Variants in CUBN observed in about 807,000 individuals in gnomAD.
CUBN encodes cubilin.
CUBN carries 282 observed loss-of-function variants against 405.3 expected under a neutral mutation model. The observed-to-expected ratio is 0.70, with a 90% CI of 0.63 to 0.77. The LOEUF (loss-of-function observed/expected upper bound fraction) is 0.77. Ranked by LOEUF, CUBN falls within the 30% of genes least tolerant of loss-of-function variation. The pLI, the probability that CUBN is intolerant of heterozygous loss-of-function variation, is 0.00. For missense variants in CUBN, 4,514 were observed against 4,475.2 expected, an observed-to-expected ratio of 1.01 and a Z score of -0.25; for synonymous variants, 1,684 against 1,617.0, an observed-to-expected ratio of 1.04 and a Z score of -0.99.
At chr10:17,004,976 C>T (rs1185598354) in intron 28 of CUBN, among the ~76,000 whole-genome samples, 4 of 152,082 alleles carry the variant, frequency 2.6e-5, no homozygotes, top group African/African-American at 4.8e-5. Context: ...CTCTTTAATA[C>T]GCTGCCTCAC....
intron 63 of CUBN, 26 bp from the exon 64 acceptor site, chr10:16,835,221 A>G: frequency 6.4e-7 from 1 of 1,561,432 alleles, no homozygotes; most frequent in Non-Finnish European, 8.8e-7. Flanking sequence ...GGCATAATTA[A>G]TGTACGCATT....
chr10:17,008,436 G>GTT (rs1256409335), intron 28 of CUBN, among the ~76,000 whole-genome samples: 1 of 141,740 alleles, frequency 7.1e-6, no homozygotes, highest in Non-Finnish European at 1.5e-5. Context: ...GCTCGTGTGT[G>GTT]TGTGTGTGTG....
At chr10:16,986,998 T>G (rs11254321) in intron 29 of CUBN, among the ~76,000 whole-genome samples, 3,094 of 152,302 alleles carry the variant, frequency 0.02, 147 homozygotes, top group East Asian at 0.19. Context: ...CACTGCCACT[T>G]TGGACATTAT....
Position 16,824,919 on chromosome 10 carries a change from T to G in CUBN, c.*56A>C. On this transcript the variant is annotated 3_prime_UTR_variant, in exon 67 of 67. Transcript: ENST00000377833. ...GGGGTCATGTATCAGGATGGCAGAG[T>G]GCTGTCCAGCGTGCTGCAGAGGGAA... 3.3e-6 allele frequency: 4 copies of G among 1,203,968 alleles called. No individual in the cohort carries two copies. The highest frequency in any genetic ancestry group is 4.9e-6 in the Non-Finnish European group (4 of 809,156). 74.6% of individuals were successfully genotyped at this position (1,203,968 alleles called of 1,614,324 possible).
At chr10:16,880,513 A>C (rs1202971270) in intron 56 of CUBN, among the ~76,000 whole-genome samples, 3 of 152,238 alleles carry the variant, frequency 2.0e-5, no homozygotes, top group South Asian at 2.1e-4. Flanking sequence ...AAGAGAGAGC[A>C]TGCTGACAGA....
At chr10:16,863,524 C>G (rs1254458090) in intron 59 of CUBN, among the ~76,000 whole-genome samples, 7 of 152,132 alleles carry the variant, frequency 4.6e-5, no homozygotes, top group African/African-American at 1.7e-4. Context: ...GAGCTGACAA[C>G]TTCAATCAGG....
In CUBN at chr10:16,877,359, C is replaced by T. The variant is rs192380293; in HGVS notation, c.8906-262G>A. On this transcript the variant is annotated intron_variant, in intron 56 of 66. Transcript: ENST00000377833. The stretch of plus-strand genomic sequence containing the variant: ...TTCAGAATTTCCTTTCTTTAGATAA[C>T]GGTTCCTTTAACTCAGTGACTGTAA... Among the ~76,000 whole-genome samples the T allele has an allele frequency of 7.2e-5, 11 of 152,286 alleles. No individual in the cohort carries two copies. In the East Asian group the frequency reaches 1.4e-3, roughly 19 times the overall value.
At chr10:17,078,320 T>TC (rs536910118) in intron 17 of CUBN, among the ~76,000 whole-genome samples, 108 of 152,298 alleles carry the variant, frequency 7.1e-4, no homozygotes, top group African/African-American at 2.6e-3. Context: ...GTTTATTTTT[T>TC]CTGACTTCAG....
chr10:16,901,914 T>TAC (rs1238575423), intron 51 of CUBN, among the ~76,000 whole-genome samples: 2 of 86,902 alleles, frequency 2.3e-5, no homozygotes, highest in African/African-American at 8.0e-5. Context: ...TATATATATA[T>TAC]ATATACACAC....
intron 35 of CUBN, 93 bp downstream of exon 35, chr10:16,948,385 T>A (rs947881849): frequency 6.4e-7 from 1 of 1,566,864 alleles, no homozygotes; most frequent in African/African-American, 1.4e-5. Flanking sequence ...GGAAACTGGC[T>A]CCCAACTACG....
chr10:16,946,716 G>A (rs534570439), intron 36 of CUBN, among the ~76,000 whole-genome samples: 3 of 152,028 alleles, frequency 2.0e-5, no homozygotes, highest in Non-Finnish European at 2.9e-5. Flanking sequence ...GGCTGGTCTC[G>A]AACTCTTGAT....
At chr10:17,129,375 C>T in intron 1 of CUBN, 125 bp from the exon 2 acceptor site, 1 of 1,153,010 alleles carries the variant, frequency 8.7e-7, no homozygotes, top group Non-Finnish European at 1.3e-6. Flanking sequence ...CATCTCAACC[C>T]AACTGCCCCT....
intron 17 of CUBN, among the ~76,000 whole-genome samples, chr10:17,082,106 G>A (rs998907854): frequency 2.0e-5 from 3 of 152,128 alleles, no homozygotes; most frequent in Admixed American, 2.0e-4. Flanking sequence ...CAAGGCTAGA[G>A]TTAAAACTTT....
Position 17,123,640 on chromosome 10 carries a change from G to GC in CUBN, c.436_437insG (p.Thr146SerfsTer7). On this transcript the variant is annotated frameshift_variant, in exon 5 of 67. Transcript: ENST00000377833. LOFTEE classifies it high-confidence loss of function. ...AAAGGAATCATGCAGATTGAGGCAG[G>GC]TTCCACCATTCTGGCAAGGATTGCT... 1 of 1,614,102 alleles carries GC rather than the reference G, an allele frequency of 6.2e-7. No individual in the cohort carries two copies. Among genetic ancestry groups the GC allele is most frequent in the Non-Finnish European group, 8.5e-7 (1 of 1,180,006 alleles).
intron 17 of CUBN, among the ~76,000 whole-genome samples, chr10:17,079,767 G>A (rs991894375): frequency 2.6e-5 from 4 of 152,108 alleles, no homozygotes; most frequent in African/African-American, 9.7e-5. Context: ...TCCACTTGAG[G>A]GAAGCAAGTG....
chr10:17,075,808 A>AATTATCTCT (rs1368307548), intron 17 of CUBN, among the ~76,000 whole-genome samples: 2 of 152,182 alleles, frequency 1.3e-5, no homozygotes, highest in Admixed American at 1.3e-4. Context: ...ATCTCTAACC[A>AATTATCTCT]AACAGTAAGT....
At chr10:17,082,875 T>A (rs1210590074) in intron 17 of CUBN, among the ~76,000 whole-genome samples, 1 of 152,136 alleles carries the variant, frequency 6.6e-6, no homozygotes, top group Non-Finnish European at 1.5e-5. Flanking sequence ...ATAATAATGG[T>A]TGTTGAGAGG....
chr10:16,879,383 A>G (rs1016871988), intron 56 of CUBN, among the ~76,000 whole-genome samples: 20 of 152,242 alleles, frequency 1.3e-4, no homozygotes, highest in African/African-American at 4.6e-4. Flanking sequence ...TTTCATGGCG[A>G]TGCTAACTTG....
chr10:17,075,945 G>A (rs1054211513), intron 17 of CUBN, among the ~76,000 whole-genome samples: 1 of 152,170 alleles, frequency 6.6e-6, no homozygotes, highest in Non-Finnish European at 1.5e-5. Flanking sequence ...TTCAGTTTTT[G>A]TTAGAGATAC....
Sources: allele counts gnomAD v4.1 joint callset (sites outside exome capture counted in the v4.1 genomes callset), GRCh38; gene constraint gnomAD v4.1.1; transcripts MANE v1.5; gene names NCBI Gene and HGNC (gene_info 2026-07-23, HGNC 2026-07-21).